Variants in UGT1A6 observed in about 807,000 individuals in gnomAD.
UGT1A6 encodes the protein UDP-glucuronosyltransferase 1A6.
A neutral mutation model predicts 44.4 loss-of-function variants in UGT1A6; 32 were observed. That is an observed-to-expected ratio of 0.72 (90% CI 0.54 to 0.97). UGT1A6 has a LOEUF of 0.97. Among genes scored for constraint, UGT1A6 ranks in the 50% least tolerant of loss-of-function variants. The pLI, the probability that UGT1A6 is intolerant of heterozygous loss-of-function variation, is 0.00. For missense variants in UGT1A6, 685 were observed against 661.9 expected (o/e 1.03, Z -0.38); for synonymous variants, 238 against 248.5 (o/e 0.96, Z 0.40).
At chr2:233,716,588 CA>C (rs1029080788) in intron 1 of UGT1A6, among the ~76,000 whole-genome samples, 5 of 152,142 alleles carry the variant, frequency 3.3e-5, no homozygotes. Flanking sequence ...TTTCAAAGAG[CA>C]AAAATTTTAG....
intron 1 of UGT1A6, chr2:233,719,097 A>G (rs780928839): frequency 1.2e-6 from 2 of 1,614,264 alleles, no homozygotes; most frequent in Non-Finnish European, 1.7e-6. Context: ...TGATCGCGTT[A>G]CGCTGGGCTA....
intron 1 of UGT1A6, among the ~76,000 whole-genome samples, chr2:233,720,489 G>C (rs2076863556): frequency 6.6e-6 from 1 of 152,082 alleles, no homozygotes; most frequent in Non-Finnish European, 1.5e-5. Flanking sequence ...TGTCCAAGAA[G>C]GGAAGTGTTT....
At chr2:233,747,965 T>C (rs1575687176) in intron 1 of UGT1A6, 2 of 1,613,472 alleles carry the variant, frequency 1.2e-6, no homozygotes, top group Non-Finnish European at 1.7e-6. Flanking sequence ...TTCTCAGCCA[T>C]GCATCTGTGT....
chr2:233,725,046 G>T (rs1307782959), intron 1 of UGT1A6, among the ~76,000 whole-genome samples: 2 of 147,958 alleles, frequency 1.4e-5, no homozygotes, highest in Non-Finnish European at 3.0e-5. Context: ...AACCAGTCAG[G>T]CGTGGCGGCG....
chr2:233,745,515 T>C (rs1256648631), intron 1 of UGT1A6, among the ~76,000 whole-genome samples: 1 of 151,514 alleles, frequency 6.6e-6, no homozygotes, highest in African/African-American at 2.4e-5. Flanking sequence ...GGGTATTAGG[T>C]CTAATGGGGA....
In UGT1A6 at chr2:233,768,342, C is replaced by G; in HGVS notation, c.1204C>G (p.Arg402Gly). Residue 402 changes from arginine (R) to glycine (G), a missense_variant, in exon 4 of 5, where the codon CGC becomes GGC. Physicochemically the swap from Arg to Gly is moderately radical, Grantham distance 125. Transcript: ENST00000305139. ...TGGTGATCAGATGGACAATGCAAAG[C>G]GCATGGAGACTAAGGGAGCTGGAGT... ...LFGDQMDNAK[R>G]METKGAGVTL... 6.2e-7 allele frequency: 1 copy of G among 1,614,092 alleles called. No homozygotes were observed. Among genetic ancestry groups the G allele is most frequent in the South Asian group, 1.1e-5 (1 of 91,066 alleles).
chr2:233,700,829 G>A (rs890006339), intron 1 of UGT1A6, among the ~76,000 whole-genome samples: 7 of 151,704 alleles, frequency 4.6e-5, no homozygotes, highest in African/African-American at 1.7e-4. Context: ...CCATTAACTC[G>A]TCATTTAGCA....
At chr2:233,754,740 A>G (rs1278383852) in intron 1 of UGT1A6, 2 of 687,602 alleles carry the variant, frequency 2.9e-6, no homozygotes, top group Admixed American at 2.3e-5. Flanking sequence ...ACCGTAGGAC[A>G]TGCAGAAGGA....
intron 1 of UGT1A6, chr2:233,713,823 G>A (rs2076349507): frequency 1.9e-6 from 3 of 1,613,920 alleles, no homozygotes; most frequent in African/African-American, 1.3e-5. Flanking sequence ...CTTCATTGGG[G>A]GCATCAACTG....
chr2:233,704,764 C>T (rs183614889), intron 1 of UGT1A6, among the ~76,000 whole-genome samples: 5 of 152,192 alleles, frequency 3.3e-5, no homozygotes, highest in East Asian at 1.9e-4. Flanking sequence ...AAATATATTA[C>T]GCTTCCATAT....
At chr2:233,756,551 C>G (rs1440983818) in intron 1 of UGT1A6, among the ~76,000 whole-genome samples, 1 of 152,076 alleles carries the variant, frequency 6.6e-6, no homozygotes, top group East Asian at 1.9e-4. Context: ...CTAAAACAAC[C>G]AGGGAGATCC....
At chr2:233,751,766 T>C (rs1221820452) in intron 1 of UGT1A6, among the ~76,000 whole-genome samples, 2 of 152,224 alleles carry the variant, frequency 1.3e-5, no homozygotes, top group Non-Finnish European at 2.9e-5. Context: ...ATGTGAGACA[T>C]GACTTTGCTT....
intron 1 of UGT1A6, among the ~76,000 whole-genome samples, chr2:233,766,563 T>C (rs533483088): frequency 6.6e-6 from 1 of 152,304 alleles, no homozygotes; most frequent in South Asian, 2.1e-4. Context: ...CCTAGGTCCA[T>C]GGGCACAGGT....
At chr2:233,724,244 G>A (rs2077194489) in intron 1 of UGT1A6, among the ~76,000 whole-genome samples, 1 of 128,296 alleles carries the variant, frequency 7.8e-6, no homozygotes, top group Non-Finnish European at 1.7e-5. Flanking sequence ...GCCGGGCAGA[G>A]GCGCCCCTCA....
Position 233,768,283 on chromosome 2 carries a change from G to T in UGT1A6, c.1145G>T (p.Cys382Phe). 6.2e-7 allele frequency: 1 copy of T among 1,614,180 alleles called. No homozygotes were observed. The change falls in exon 4 of 5, where the codon TGC becomes TTC. Residue 382 changes from cysteine (C) to phenylalanine (F), a missense_variant. Transcript: ENST00000305139. ...TCCCATGGTGTTTATGAAAGCATAT[G>T]CAATGGCGTTCCCATGGTGATGATG... Reference protein sequence around the residue: ...AGSHGVYESICNGVPMVMMPL... With the variant: ...AGSHGVYESIFNGVPMVMMPL...
chr2:233,702,618 A>C (rs2075696655), intron 1 of UGT1A6, among the ~76,000 whole-genome samples: 1 of 152,122 alleles, frequency 6.6e-6, no homozygotes, highest in Non-Finnish European at 1.5e-5. Context: ...CCCCCACATT[A>C]TGAGATTGAG....
At chr2:233,731,647 G>A (rs2078187092) in intron 1 of UGT1A6, among the ~76,000 whole-genome samples, 1 of 152,156 alleles carries the variant, frequency 6.6e-6, no homozygotes, top group Admixed American at 6.5e-5. Flanking sequence ...GTATTCCATG[G>A]TGTATATGTG....
intron 1 of UGT1A6, among the ~76,000 whole-genome samples, chr2:233,724,109 G>T (rs1321159895): frequency 8.8e-6 from 1 of 113,982 alleles, no homozygotes; most frequent in African/African-American, 4.2e-5. Context: ...AGGGGCGGCC[G>T]GGCAGAGGCG....
At chr2:233,730,757 G>C (rs2125758007) in intron 1 of UGT1A6, among the ~76,000 whole-genome samples, 1 of 152,258 alleles carries the variant, frequency 6.6e-6, no homozygotes, top group East Asian at 1.9e-4. Flanking sequence ...AGATAAGACT[G>C]TGAATCTATA....
Sources: gnomAD v4.1 joint callset for allele counts (sites outside exome capture counted in the v4.1 genomes callset) on GRCh38, gnomAD v4.1.1 for gene constraint, MANE v1.5 for transcripts, NCBI Gene and HGNC (gene_info 2026-07-23, HGNC 2026-07-21) for gene names.